LRMDA: variants seen among roughly 807,000 people sequenced by gnomAD.
The protein encoded by LRMDA is leucine rich melanocyte differentiation associated, also known as leucine-rich melanocyte differentiation-associated protein.
Under a neutral mutation model 29.8 loss-of-function variants are expected in LRMDA, and 18 were observed. That is an observed-to-expected ratio of 0.60 (90% CI 0.42 to 0.90). The LOEUF (loss-of-function observed/expected upper bound fraction) is 0.90. Among genes scored for constraint, LRMDA ranks in the 40% least tolerant of loss-of-function variants. LRMDA has a pLI of 0.00. For missense variants in LRMDA, 273 were observed against 273.9 expected (o/e 1.00, Z 0.02); for synonymous variants, 125 against 109.4 (o/e 1.14, Z -0.89).
At chr10:76,450,301 G>T (rs1000628620) in intron 6 of LRMDA, among the ~76,000 whole-genome samples, 23 of 152,020 alleles carry the variant, frequency 1.5e-4, no homozygotes, top group African/African-American at 5.3e-4. Flanking sequence ...GCAAAGAAGG[G>T]TGAGGCCAGC....
intron 2 of LRMDA, among the ~76,000 whole-genome samples, chr10:75,794,278 A>C (rs575076893): frequency 6.6e-5 from 10 of 152,348 alleles, no homozygotes; most frequent in Middle Eastern, 3.4e-3. Context: ...CATATTAAGT[A>C]TATGCTTTAT....
At chr10:75,751,170 T>C (rs904752124) in intron 2 of LRMDA, among the ~76,000 whole-genome samples, 1 of 151,922 alleles carries the variant, frequency 6.6e-6, no homozygotes, top group Non-Finnish European at 1.5e-5. Flanking sequence ...CAAAAACCAG[T>C]CAGGCGTGGC....
At chr10:76,268,307 T>G (rs531250490) in intron 5 of LRMDA, among the ~76,000 whole-genome samples, 1 of 152,318 alleles carries the variant, frequency 6.6e-6, no homozygotes, top group South Asian at 2.1e-4. Context: ...CTTAAGCAGG[T>G]TGAAGTAGAT....
At chr10:76,154,523 A>G (rs1850503580) in intron 5 of LRMDA, among the ~76,000 whole-genome samples, 1 of 152,208 alleles carries the variant, frequency 6.6e-6, no homozygotes, top group South Asian at 2.1e-4. Context: ...TGAATGATCA[A>G]CTAATGTCCC....
intron 2 of LRMDA, among the ~76,000 whole-genome samples, chr10:75,580,329 A>G (rs376846148): frequency 3.3e-5 from 5 of 152,214 alleles, no homozygotes; most frequent in Non-Finnish European, 5.9e-5. Context: ...CAACTGCTAC[A>G]AAGAGAATAA....
At chr10:76,096,518 A>G (rs547255821) in intron 5 of LRMDA, among the ~76,000 whole-genome samples, 15 of 152,190 alleles carry the variant, frequency 9.9e-5, no homozygotes, top group African/African-American at 3.6e-4. Flanking sequence ...TAATCACTGT[A>G]TAGTGTATTT....
chr10:75,959,521 A>G (rs904404753), intron 2 of LRMDA, among the ~76,000 whole-genome samples: 6 of 123,410 alleles, frequency 4.9e-5, no homozygotes, highest in African/African-American at 2.5e-4. Context: ...GTGCATGCAC[A>G]CACACACACA....
intron 6 of LRMDA, among the ~76,000 whole-genome samples, chr10:76,352,461 T>C (rs1841188956): frequency 6.6e-6 from 1 of 152,056 alleles, no homozygotes; most frequent in African/African-American, 2.4e-5. Flanking sequence ...TCTAGGTGAC[T>C]AAGCGGCCGA....
At chr10:76,432,943 G>A (rs1589184287) in intron 6 of LRMDA, among the ~76,000 whole-genome samples, 1 of 152,186 alleles carries the variant, frequency 6.6e-6, no homozygotes, top group African/African-American at 2.4e-5. Context: ...CCACCCTAAT[G>A]GCAGCTGTGA....
chr10:76,339,481 C>G (rs796253800), intron 6 of LRMDA, among the ~76,000 whole-genome samples: 3 of 151,622 alleles, frequency 2.0e-5, no homozygotes, highest in African/African-American at 7.3e-5. Context: ...AACTGTAAAA[C>G]AAGGAATAGA....
At chr10:76,504,355 A>G (rs1489694011) in intron 6 of LRMDA, among the ~76,000 whole-genome samples, 1 of 151,934 alleles carries the variant, frequency 6.6e-6, no homozygotes, top group African/African-American at 2.4e-5. Context: ...CAATTGGCTG[A>G]GTGTCATGTT....
At chr10:76,187,450 A>G (rs1335055628) in intron 5 of LRMDA, among the ~76,000 whole-genome samples, 1 of 152,164 alleles carries the variant, frequency 6.6e-6, no homozygotes, top group Non-Finnish European at 1.5e-5. Flanking sequence ...GAGGGGAAAA[A>G]TAGTGGAGTC....
At chr10:76,257,879 A>G (rs755170664) in intron 5 of LRMDA, among the ~76,000 whole-genome samples, 5 of 152,176 alleles carry the variant, frequency 3.3e-5, no homozygotes, top group African/African-American at 4.8e-5. Flanking sequence ...TCTGGGGCTC[A>G]GTTGAGATGG....
intron 2 of LRMDA, among the ~76,000 whole-genome samples, chr10:75,871,881 G>A (rs1845117484): frequency 6.6e-6 from 1 of 152,122 alleles, no homozygotes; most frequent in South Asian, 2.1e-4. Flanking sequence ...ATTCATCTTT[G>A]TTTCTCCATT....
intron 6 of LRMDA, among the ~76,000 whole-genome samples, chr10:76,381,295 C>G (rs1383606283): frequency 6.6e-6 from 1 of 151,854 alleles, no homozygotes; most frequent in Non-Finnish European, 1.5e-5. Context: ...AAGTAAATTA[C>G]ATTTACTTTA....
chr10:76,374,236 CTTG>C (rs1028059456), intron 6 of LRMDA, among the ~76,000 whole-genome samples: 5 of 152,132 alleles, frequency 3.3e-5, no homozygotes, highest in East Asian at 1.9e-4. Context: ...TTTATATTAA[CTTG>C]TTGTGCTTTG....
At chr10:76,411,484 G>A (rs1841960925) in intron 6 of LRMDA, among the ~76,000 whole-genome samples, 1 of 152,164 alleles carries the variant, frequency 6.6e-6, no homozygotes, top group Non-Finnish European at 1.5e-5. Context: ...GAATGCATTT[G>A]CCTAAGGTCA....
intron 2 of LRMDA, among the ~76,000 whole-genome samples, chr10:75,710,006 T>TA (rs1217257639): frequency 1.3e-5 from 2 of 152,274 alleles, no homozygotes; most frequent in Admixed American, 6.5e-5. Flanking sequence ...GTATCCCTGG[T>TA]AAAAAAGACG....
At chr10:75,663,628 A>G (rs1333843160) in intron 2 of LRMDA, among the ~76,000 whole-genome samples, 1 of 152,130 alleles carries the variant, frequency 6.6e-6, no homozygotes, top group Non-Finnish European at 1.5e-5. Flanking sequence ...CCCACAGTCT[A>G]CAGAGAAGGG....
Sources: gnomAD v4.1 joint callset for allele counts (sites outside exome capture counted in the v4.1 genomes callset) on GRCh38, gnomAD v4.1.1 for gene constraint, MANE v1.5 for transcripts, NCBI Gene and HGNC (gene_info 2026-07-23, HGNC 2026-07-21) for gene names.